TMC2: variants seen among roughly 807,000 people sequenced by gnomAD.
The protein encoded by TMC2 is transmembrane channel like 2, also known as transmembrane channel-like protein 2.
In TMC2, 102 loss-of-function variants were observed where a neutral mutation model predicts 105.9. That is an observed-to-expected ratio of 0.96 (90% CI 0.82 to 1.14). The LOEUF (loss-of-function observed/expected upper bound fraction) is 1.14, where lower values mean the gene tolerates loss of function less well. Among genes scored for constraint, TMC2 ranks in the 50% most tolerant of loss-of-function variants. The pLI, the probability that TMC2 is intolerant of heterozygous loss-of-function variation, is 0.00. For synonymous variants in TMC2, 402 were observed against 422.8 expected, an observed-to-expected ratio of 0.95 and a Z score of 0.60; for missense variants, 1,093 against 1,134.3, an observed-to-expected ratio of 0.96 and a Z score of 0.52.
chr20:2,595,526 C>T (rs2086299442), intron 9 of TMC2, among the ~76,000 whole-genome samples: 2 of 152,122 alleles, frequency 1.3e-5, no homozygotes, highest in African/African-American at 4.8e-5. Context: ...GCCTCTCTGG[C>T]CCCAACTCTA....
At chr20:2,578,721 A>C (rs2086165214) in intron 5 of TMC2, among the ~76,000 whole-genome samples, 1 of 149,196 alleles carries the variant, frequency 6.7e-6, no homozygotes, top group Admixed American at 6.6e-5. Context: ...AGAGAGAGGC[A>C]CTTGGCTGTC....
In TMC2 at chr20:2,549,517, C is replaced by T. The variant is rs555642567; in HGVS notation, c.83-8939C>T. On this transcript the variant is annotated intron_variant, in intron 2 of 19. Coordinates refer to ENST00000358864, the MANE Select transcript of TMC2 (RefSeq NM_080751.3). ...CAGCACTTTGGGAGGCCAAGGCGGGCGGATCACTTGAGGTCAGGAGTTTGA... is the reference window on the plus strand; with the variant it reads ...CAGCACTTTGGGAGGCCAAGGCGGGTGGATCACTTGAGGTCAGGAGTTTGA... 9.2e-5 allele frequency among the ~76,000 whole-genome samples: 14 copies of T among 152,184 alleles called. No individual in the cohort carries two copies. The South Asian group carries it at 2.3e-3, about 25-fold the overall frequency.
intron 14 of TMC2, 56 bp downstream of exon 14, chr20:2,613,378 A>G (rs758133087): frequency 1.1e-5 from 17 of 1,608,754 alleles, no homozygotes; most frequent in African/African-American, 1.3e-5. Flanking sequence ...ATCTTCTTTG[A>G]TACTTATAGC....
At chr20:2,623,219 C>A (rs1393105247) in intron 16 of TMC2, among the ~76,000 whole-genome samples, 1 of 151,834 alleles carries the variant, frequency 6.6e-6, no homozygotes, top group Non-Finnish European at 1.5e-5. Context: ...AGAACCAGGG[C>A]ATGATATGAA....
intron 19 of TMC2, among the ~76,000 whole-genome samples, 191 bp from the exon 20 acceptor site, chr20:2,640,943 C>T (rs2086683652): frequency 6.6e-6 from 1 of 152,136 alleles, no homozygotes; most frequent in African/African-American, 2.4e-5. Flanking sequence ...GAAGACCATA[C>T]TCCTCCAACA....
chr20:2,577,332 C>T (rs2422793), intron 5 of TMC2, among the ~76,000 whole-genome samples: 17,689 of 152,200 alleles, frequency 0.12, 1,238 homozygotes, highest in African/African-American at 0.18. Context: ...TGAGCCACCA[C>T]GCCCAGCCCA....
intron 2 of TMC2, among the ~76,000 whole-genome samples, chr20:2,553,992 C>T (rs889256014): frequency 6.6e-6 from 1 of 152,154 alleles, no homozygotes; most frequent in Non-Finnish European, 1.5e-5. Flanking sequence ...TCAAGTGATT[C>T]TCCTGCCTCA....
intron 3 of TMC2, among the ~76,000 whole-genome samples, chr20:2,560,296 G>A (rs1168770059): frequency 1.3e-5 from 2 of 152,022 alleles, no homozygotes; most frequent in African/African-American, 4.8e-5. Context: ...CTGTGTTCTA[G>A]GCTTTTCAAC....
intron 7 of TMC2, among the ~76,000 whole-genome samples, chr20:2,580,316 C>A (rs923003360): frequency 6.6e-6 from 1 of 152,106 alleles, no homozygotes; most frequent in Non-Finnish European, 1.5e-5. Context: ...TTTGCACCAA[C>A]CTACGACCTA....
intron 7 of TMC2, among the ~76,000 whole-genome samples, chr20:2,583,463 C>CTTT (rs372290962): frequency 2.2e-5 from 3 of 138,406 alleles, no homozygotes; most frequent in African/African-American, 2.7e-5. Flanking sequence ...CACATAAGCA[C>CTTT]TTTTTTTTTT....
intron 5 of TMC2, among the ~76,000 whole-genome samples, chr20:2,574,837 T>C (rs1189679510): frequency 2.0e-5 from 3 of 152,130 alleles, no homozygotes; most frequent in Non-Finnish European, 4.4e-5. Flanking sequence ...GCAATTCTCC[T>C]GCCTCAGCCT....
chr20:2,617,360 G>C, intron 16 of TMC2, 49 bp downstream of exon 16: 1 of 1,607,232 alleles, frequency 6.2e-7, no homozygotes, highest in Non-Finnish European at 8.5e-7. Context: ...GAGGCAGTCT[G>C]CTCAGAGGGC....
At chr20:2,639,672 G>A (rs546553676) in intron 19 of TMC2, among the ~76,000 whole-genome samples, 1 of 152,300 alleles carries the variant, frequency 6.6e-6, no homozygotes, top group African/African-American at 2.4e-5. Context: ...GAGAAGCACT[G>A]GAATATCTAG....
At chr20:2,615,257 G>C (rs914042905) in intron 14 of TMC2, among the ~76,000 whole-genome samples, 8 of 152,334 alleles carry the variant, frequency 5.3e-5, no homozygotes, top group African/African-American at 1.9e-4. Flanking sequence ...GGAGGCAGAG[G>C]TTGCAGTGAG....
At chr20:2,591,352 A>G (rs2086266501) in intron 7 of TMC2, among the ~76,000 whole-genome samples, 2 of 152,188 alleles carry the variant, frequency 1.3e-5, no homozygotes, top group African/African-American at 4.8e-5. Context: ...ACTAAAAGAA[A>G]ATATATAAAT....
At chr20:2,567,311 C>T (rs1436458983) in intron 4 of TMC2, among the ~76,000 whole-genome samples, 1 of 152,196 alleles carries the variant, frequency 6.6e-6, no homozygotes, top group Non-Finnish European at 1.5e-5. Context: ...ACTTTCACCC[C>T]CACCTGGAAG....
intron 4 of TMC2, among the ~76,000 whole-genome samples, chr20:2,567,410 A>C (rs1266102277): frequency 6.6e-6 from 1 of 152,234 alleles, no homozygotes; most frequent in Non-Finnish European, 1.5e-5. Context: ...AGAGTCTTAT[A>C]ATATCCAAAA....
chr20:2,613,553 G>A, intron 14 of TMC2: 2 of 512,078 alleles, frequency 3.9e-6, no homozygotes, highest in Non-Finnish European at 7.0e-6. Context: ...TCTATTCTAG[G>A]AAATGGAGGC....
Position 2,637,497 on chromosome 20 carries a change from C to T in TMC2, c.2409C>T (p.His803=), listed in dbSNP as rs1273017242. The change falls in exon 19 of 20, where the codon CAC becomes CAT. Residue 803 remains histidine, a synonymous_variant. Transcript: ENST00000358864. ...IQVLREVEKS[H]KSVKGKATAR... ...AGCTCCGTGAAGTTGAGAAGAGTCA[C>T]AAATCTGTAAAAGGCAAAGCCACAG... The T allele has an allele frequency of 3.1e-6, 5 of 1,613,640 alleles. No homozygotes were observed. The highest frequency in any genetic ancestry group is 4.2e-6 in the Non-Finnish European group (5 of 1,179,856).
Sources: gnomAD v4.1 joint callset for allele counts (sites outside exome capture counted in the v4.1 genomes callset) on GRCh38, gnomAD v4.1.1 for gene constraint, MANE v1.5 for transcripts, NCBI Gene and HGNC (gene_info 2026-07-23, HGNC 2026-07-21) for gene names.